Variants in TFEC observed in about 807,000 individuals in gnomAD.
TFEC encodes transcription factor EC.
TFEC carries 31 observed loss-of-function variants against 41.6 expected under a neutral mutation model. The ratio of observed to expected loss-of-function variants is 0.74; its 90% CI spans 0.56 to 1.01. The LOEUF (loss-of-function observed/expected upper bound fraction) is 1.01, where lower values mean the gene tolerates loss of function less well. Ranked by LOEUF, TFEC falls within the 50% of genes least tolerant of loss-of-function variation. The pLI is 0.00. For missense variants in TFEC, 402 were observed against 404.1 expected (o/e 0.99, Z 0.04); for synonymous variants, 143 against 140.6 (o/e 1.02, Z -0.12).
At chr7:116,054,762 T>A (rs892767729) in intron 3 of TFEC, among the ~76,000 whole-genome samples, 1 of 152,166 alleles carries the variant, frequency 6.6e-6, no homozygotes, top group Non-Finnish European at 1.5e-5. Context: ...GCATCTTGTA[T>A]TTCATCTGGC....
rs566388558 is a variant in TFEC at position 115,982,793 on chromosome 7, C to A, written c.180+1469G>T. On this transcript the variant is annotated intron_variant, in intron 2 of 7. Coordinates refer to ENST00000265440, the MANE Select transcript of TFEC (RefSeq NM_012252.4). Reference sequence around the variant, plus strand: ...AGACCACTAAAAACATGTGAATTTTCTTTATATATACAAACTTAGGATAAA... The same window carrying A: ...AGACCACTAAAAACATGTGAATTTTATTTATATATACAAACTTAGGATAAA... Among the ~76,000 whole-genome samples the A allele has an allele frequency of 1.2e-4, 18 of 152,092 alleles. No homozygotes were observed. In the South Asian group the frequency reaches 3.7e-3, roughly 32 times the overall value.
chr7:116,151,124 G>T (rs1798751954), intron 1 of TFEC, among the ~76,000 whole-genome samples: 1 of 151,374 alleles, frequency 6.6e-6, no homozygotes, highest in Non-Finnish European at 1.5e-5. Context: ...TGAAAATAAA[G>T]AAATATGTGA....
intron 3 of TFEC, among the ~76,000 whole-genome samples, chr7:115,961,256 A>T (rs1229927817): frequency 1.3e-5 from 2 of 151,714 alleles, no homozygotes; most frequent in Non-Finnish European, 3.0e-5. Flanking sequence ...AGTCAAAAGA[A>T]ACCCTCAACA....
intron 1 of TFEC, among the ~76,000 whole-genome samples, chr7:116,012,246 C>T (rs1051798970): frequency 1.3e-5 from 2 of 152,064 alleles, no homozygotes; most frequent in African/African-American, 2.4e-5. Context: ...AGAGTTTAAA[C>T]ATTAATATTT....
intron 1 of TFEC, among the ~76,000 whole-genome samples, chr7:116,023,428 T>C (rs1218424985): frequency 6.6e-6 from 1 of 152,184 alleles, no homozygotes; most frequent in Non-Finnish European, 1.5e-5. Context: ...TGAGAAACTA[T>C]TGTGATATCA....
intron 1 of TFEC, among the ~76,000 whole-genome samples, chr7:116,133,554 T>G (rs1375216719): frequency 1.3e-5 from 2 of 149,042 alleles, no homozygotes; most frequent in Admixed American, 1.3e-4. Context: ...AAAAAAAAAG[T>G]AGGGGGATGG....
intron 3 of TFEC, among the ~76,000 whole-genome samples, chr7:116,036,844 C>G (rs538304674): frequency 1.3e-5 from 2 of 152,036 alleles, no homozygotes; most frequent in Non-Finnish European, 2.9e-5. Flanking sequence ...TTATATCTGA[C>G]TTTTGGCCAG....
At chr7:116,070,462 A>T (rs1796801470) in intron 3 of TFEC, among the ~76,000 whole-genome samples, 1 of 151,440 alleles carries the variant, frequency 6.6e-6, no homozygotes, top group South Asian at 2.1e-4. Flanking sequence ...ACGACCTAAT[A>T]CAAAATTGTA....
At chr7:116,010,335 G>A (rs1159186909) in intron 1 of TFEC, among the ~76,000 whole-genome samples, 1 of 152,188 alleles carries the variant, frequency 6.6e-6, no homozygotes, top group Non-Finnish European at 1.5e-5. Context: ...CATGTGGTGA[G>A]GGTAAAGTTG....
intron 3 of TFEC, among the ~76,000 whole-genome samples, chr7:115,966,722 G>A (rs1317802841): frequency 6.6e-6 from 1 of 151,660 alleles, no homozygotes; most frequent in African/African-American, 2.4e-5. Flanking sequence ...AGTGTTTTGA[G>A]TGCTAAAAAA....
At chr7:116,138,765 T>G (rs981100976) in intron 1 of TFEC, among the ~76,000 whole-genome samples, 32 of 152,150 alleles carry the variant, frequency 2.1e-4, no homozygotes, top group Non-Finnish European at 4.4e-4. Flanking sequence ...ATGAATAACA[T>G]TTACACAAAA....
chr7:116,016,092 C>T (rs1012619810), intron 1 of TFEC, among the ~76,000 whole-genome samples: 1 of 152,120 alleles, frequency 6.6e-6, no homozygotes, highest in African/African-American at 2.4e-5. Flanking sequence ...CAAGGAAAGT[C>T]AAGACAGAAC....
chr7:116,141,441 G>A (rs957092838), intron 1 of TFEC, among the ~76,000 whole-genome samples: 7 of 152,038 alleles, frequency 4.6e-5, no homozygotes, highest in Admixed American at 1.3e-4. Flanking sequence ...AGTTATAATA[G>A]GTGTCTTTAG....
At chr7:115,988,578 G>C (rs968230628) in intron 1 of TFEC, among the ~76,000 whole-genome samples, 2 of 152,146 alleles carry the variant, frequency 1.3e-5, no homozygotes, top group East Asian at 3.9e-4. Flanking sequence ...TCTAAGAACT[G>C]TGGGACAATG....
At chr7:115,988,502 A>G (rs12216705) in intron 1 of TFEC, among the ~76,000 whole-genome samples, 20,783 of 152,074 alleles carry the variant, frequency 0.14, 1,915 homozygotes, top group Non-Finnish European at 0.21. Flanking sequence ...TTTCACAACA[A>G]GAAACTACAG....
At chr7:116,133,411 G>A (rs1183384585) in intron 1 of TFEC, among the ~76,000 whole-genome samples, 11 of 152,044 alleles carry the variant, frequency 7.2e-5, no homozygotes, top group Admixed American at 1.3e-4. Context: ...TTAGCCAGAC[G>A]TGGTGGCGTG....
chr7:116,112,161 G>A, intron 1 of TFEC: 1 of 331,720 alleles, frequency 3.0e-6, no homozygotes, highest in Non-Finnish European at 4.3e-6. Flanking sequence ...AATGTGATAA[G>A]TTGCATCTTA....
At chr7:116,077,315 T>A (rs943797631) in intron 3 of TFEC, among the ~76,000 whole-genome samples, 3 of 151,952 alleles carry the variant, frequency 2.0e-5, no homozygotes, top group African/African-American at 7.2e-5. Flanking sequence ...TACACCAAAA[T>A]AGAACCTCCT....
At chr7:115,993,690 G>C (rs773142893) in intron 1 of TFEC, among the ~76,000 whole-genome samples, 8 of 152,156 alleles carry the variant, frequency 5.3e-5, no homozygotes, top group Non-Finnish European at 1.2e-4. Flanking sequence ...ACAAACCACT[G>C]CTCCATGAAA....
Sources: gnomAD v4.1 joint callset for allele counts (sites outside exome capture counted in the v4.1 genomes callset) on GRCh38, gnomAD v4.1.1 for gene constraint, MANE v1.5 for transcripts, NCBI Gene and HGNC (gene_info 2026-07-23, HGNC 2026-07-21) for gene names.